The following CHCHD6 variants were observed in gnomAD, a reference collection of about 807,000 sequenced individuals.
CHCHD6 encodes the protein MICOS complex subunit MIC25.
Under a neutral mutation model 32.3 loss-of-function variants are expected in CHCHD6, and 28 were observed. The observed-to-expected ratio is 0.87, with a 90% CI of 0.64 to 1.19. CHCHD6 has a LOEUF of 1.19. Among genes scored for constraint, CHCHD6 ranks in the 50% most tolerant of loss-of-function variants. The pLI is 0.00. For missense variants in CHCHD6, 333 were observed against 307.0 expected (o/e 1.08, Z -0.63); for synonymous variants, 122 against 117.5 (o/e 1.04, Z -0.25).
chr3:126,784,673 G>A lies in CHCHD6; in HGVS notation c.411+51451G>A, dbSNP rs141483379. Among the ~76,000 whole-genome samples, 4 of 152,248 alleles carry A rather than the reference G, an allele frequency of 2.6e-5. No individual in the cohort carries two copies. The East Asian group carries it at 7.7e-4, about 29-fold the overall frequency. ...CCTTTCCCTGTTCAGGCATCCCCCA[G>A]TGTCAGCAGATACCACTGCCTCTCA... On this transcript the variant is annotated intron_variant, in intron 4 of 7. Coordinates refer to ENST00000290913, the MANE Select transcript of CHCHD6 (RefSeq NM_032343.3).
chr3:126,838,727 C>A (rs1940958621), intron 4 of CHCHD6, among the ~76,000 whole-genome samples: 1 of 152,200 alleles, frequency 6.6e-6, no homozygotes, highest in Admixed American at 6.5e-5. Context: ...TTATGGCAGC[C>A]CTATGAGGAA....
intron 4 of CHCHD6, among the ~76,000 whole-genome samples, chr3:126,795,706 A>G (rs1938760304): frequency 6.6e-6 from 1 of 152,150 alleles, no homozygotes. Context: ...TTGAAGGTTA[A>G]ATAATGACCC....
At chr3:126,856,544 G>C (rs1941672680) in intron 5 of CHCHD6, among the ~76,000 whole-genome samples, 2 of 152,244 alleles carry the variant, frequency 1.3e-5, no homozygotes, top group East Asian at 3.8e-4. Flanking sequence ...CCTGGCTCCA[G>C]AGCCTTTGCT....
At chr3:126,895,994 C>T (rs1390664891) in intron 5 of CHCHD6, among the ~76,000 whole-genome samples, 1 of 152,202 alleles carries the variant, frequency 6.6e-6, no homozygotes. Context: ...TGTTCTAGCT[C>T]AGCAAGTCCC....
At chr3:126,822,848 C>T (rs1263522848) in intron 4 of CHCHD6, among the ~76,000 whole-genome samples, 1 of 151,970 alleles carries the variant, frequency 6.6e-6, no homozygotes, top group Non-Finnish European at 1.5e-5. Flanking sequence ...GTTAGTAACA[C>T]TCTTTATTAA....
At chr3:126,902,671 C>G (rs543067768) in intron 5 of CHCHD6, among the ~76,000 whole-genome samples, 1 of 149,612 alleles carries the variant, frequency 6.7e-6, no homozygotes, top group African/African-American at 2.5e-5. Flanking sequence ...GAGCCGAGAT[C>G]GCGCCACTGT....
chr3:126,748,167 A>G (rs1936580716), intron 4 of CHCHD6, among the ~76,000 whole-genome samples: 1 of 152,192 alleles, frequency 6.6e-6, no homozygotes, highest in African/African-American at 2.4e-5. Flanking sequence ...GTCTAAAACC[A>G]ATAGACCTTT....
At chr3:126,867,133 A>G (rs1942315131) in intron 5 of CHCHD6, among the ~76,000 whole-genome samples, 1 of 152,222 alleles carries the variant, frequency 6.6e-6, no homozygotes, top group South Asian at 2.1e-4. Flanking sequence ...GACCTGGTCC[A>G]GAGAAGTAAA....
At position 126,930,312 on chromosome 3, in the gene CHCHD6, C is replaced by A. The variant is rs140634773; in HGVS notation, c.566+15562C>A. On this transcript the variant is annotated intron_variant, in intron 6 of 7. Coordinates refer to ENST00000290913, the MANE Select transcript of CHCHD6 (RefSeq NM_032343.3). ...GATAGAATGTACCCTTTTGAAAATCCCGACATTGAAGACTTCCTTTCTAGT... is the reference window on the plus strand; with the variant it reads ...GATAGAATGTACCCTTTTGAAAATCACGACATTGAAGACTTCCTTTCTAGT... 8.2e-4 allele frequency among the ~76,000 whole-genome samples: 125 copies of A among 152,294 alleles called. 1 individual carries two copies. The highest frequency in any genetic ancestry group is 2.8e-3 in the African/African-American group (118 of 41,552).
intron 5 of CHCHD6, among the ~76,000 whole-genome samples, chr3:126,902,911 A>T (rs2077950433): frequency 6.6e-6 from 1 of 152,044 alleles, no homozygotes; most frequent in South Asian, 2.1e-4. Context: ...GCTGGCGTGG[A>T]AGCCATCCTT....
chr3:126,816,853 C>T (rs927087325), intron 4 of CHCHD6, among the ~76,000 whole-genome samples: 2 of 151,954 alleles, frequency 1.3e-5, no homozygotes, highest in Admixed American at 1.3e-4. Context: ...CTAATGCTAT[C>T]CCTCCCCCCT....
chr3:126,929,334 C>G (rs2078369339), intron 6 of CHCHD6, among the ~76,000 whole-genome samples: 1 of 152,180 alleles, frequency 6.6e-6, no homozygotes, highest in Non-Finnish European at 1.5e-5. Flanking sequence ...AGCATGTACA[C>G]TGGGTTGCAG....
intron 6 of CHCHD6, among the ~76,000 whole-genome samples, chr3:126,955,408 A>G (rs2078770113): frequency 6.6e-6 from 1 of 152,262 alleles, no homozygotes; most frequent in Admixed American, 6.5e-5. Context: ...TCTTCAGGAA[A>G]TAAGAGGACC....
chr3:126,806,824 T>A (rs1204615091), intron 4 of CHCHD6, among the ~76,000 whole-genome samples: 1 of 151,490 alleles, frequency 6.6e-6, no homozygotes, highest in Non-Finnish European at 1.5e-5. Flanking sequence ...ATAGACTGGA[T>A]TAAGGAAATG....
At chr3:126,943,001 A>C (rs1322193910) in intron 6 of CHCHD6, among the ~76,000 whole-genome samples, 4 of 151,938 alleles carry the variant, frequency 2.6e-5, no homozygotes, top group Non-Finnish European at 5.9e-5. Flanking sequence ...CTCCTTTTCC[A>C]TGTGTAAATC....
intron 4 of CHCHD6, among the ~76,000 whole-genome samples, chr3:126,743,467 A>G (rs1936364127): frequency 6.6e-6 from 1 of 152,212 alleles, no homozygotes; most frequent in Admixed American, 6.5e-5. Flanking sequence ...TGTTAGGCAA[A>G]TGGCTGATTG....
At chr3:126,823,904 AACACAC>A (rs565839224) in intron 4 of CHCHD6, among the ~76,000 whole-genome samples, 2 of 151,342 alleles carry the variant, frequency 1.3e-5, no homozygotes, top group East Asian at 3.9e-4. Context: ...CAAAAACAAA[AACACAC>A]ACACACACAC....
In CHCHD6 at chr3:126,907,365, C is replaced by A. The variant is rs1033848468; in HGVS notation, c.496-7315C>A. Among the ~76,000 whole-genome samples, 50 of 152,290 alleles carry A rather than the reference C, an allele frequency of 3.3e-4. 1 individual carries two copies. Among genetic ancestry groups the A allele is most frequent in the African/African-American group, 1.2e-3 (48 of 41,548 alleles). On this transcript the variant is annotated intron_variant, in intron 5 of 7. Coordinates refer to ENST00000290913, the MANE Select transcript of CHCHD6 (RefSeq NM_032343.3). ...AGTTTGCTAAGAACCAGATGTGCAGCCACTTAACGAAATTAAAATTCTCAT... is the reference window on the plus strand; with the variant it reads ...AGTTTGCTAAGAACCAGATGTGCAGACACTTAACGAAATTAAAATTCTCAT...
intron 4 of CHCHD6, among the ~76,000 whole-genome samples, chr3:126,745,633 T>A (rs879698205): frequency 6.6e-6 from 1 of 152,206 alleles, no homozygotes; most frequent in Non-Finnish European, 1.5e-5. Context: ...TGCTGGCTGT[T>A]ACCAGGTTGC....
Sources: allele counts gnomAD v4.1 joint callset (sites outside exome capture counted in the v4.1 genomes callset), GRCh38; gene constraint gnomAD v4.1.1; transcripts MANE v1.5; gene names NCBI Gene and HGNC (gene_info 2026-07-23, HGNC 2026-07-21).